The following LRP1B variants were observed in gnomAD, a reference collection of about 807,000 sequenced individuals.
LRP1B encodes LDL receptor related protein 1B.
LRP1B carries 217 observed loss-of-function variants against 556.6 expected under a neutral mutation model. The observed-to-expected ratio is 0.39, with a 90% CI of 0.35 to 0.44. The LOEUF is 0.44. LRP1B is among the 20% of genes least tolerant of loss of function. The pLI, the probability that LRP1B is intolerant of heterozygous loss-of-function variation, is 1.00. For synonymous variants in LRP1B, 2,047 were observed against 1,865.8 expected (o/e 1.10, Z -2.50); for missense variants, 5,053 against 5,620.8 (o/e 0.90, Z 3.23).
At chr2:140,303,149 T>G (rs1400623767) in intron 83 of LRP1B, among the ~76,000 whole-genome samples, 1 of 148,688 alleles carries the variant, frequency 6.7e-6, no homozygotes, top group East Asian at 1.9e-4. Flanking sequence ...TATACAATTT[T>G]TCTTCATAGA....
intron 3 of LRP1B, among the ~76,000 whole-genome samples, chr2:141,398,461 G>A (rs1429606441): frequency 6.6e-6 from 1 of 152,132 alleles, no homozygotes; most frequent in African/African-American, 2.4e-5. Flanking sequence ...CTAAAATGAT[G>A]TTATTAATAG....
At chr2:141,614,676 A>G (rs1353885213) in intron 2 of LRP1B, among the ~76,000 whole-genome samples, 1 of 152,106 alleles carries the variant, frequency 6.6e-6, no homozygotes, top group Non-Finnish European at 1.5e-5. Context: ...CTACAAATGA[A>G]GGAATGCCAA....
chr2:140,241,287 C>G (rs1032553363), intron 87 of LRP1B, among the ~76,000 whole-genome samples: 2 of 150,778 alleles, frequency 1.3e-5, no homozygotes, highest in Admixed American at 6.6e-5. Context: ...TTTTAAATAC[C>G]AGAGAACAGC....
chr2:141,231,623 C>A (rs1683474829), intron 5 of LRP1B, among the ~76,000 whole-genome samples: 1 of 149,648 alleles, frequency 6.7e-6, no homozygotes, highest in South Asian at 2.2e-4. Context: ...CACCCCTGCC[C>A]CGCCCCGCCA....
intron 7 of LRP1B, among the ~76,000 whole-genome samples, chr2:141,079,560 A>G (rs1250322696): frequency 2.6e-5 from 4 of 152,232 alleles, no homozygotes; most frequent in Non-Finnish European, 4.4e-5. Context: ...CCTGCAAGCA[A>G]TAATGCTCTG....
intron 3 of LRP1B, among the ~76,000 whole-genome samples, chr2:141,448,094 T>A (rs1229046149): frequency 6.6e-6 from 1 of 152,230 alleles, no homozygotes; most frequent in East Asian, 1.9e-4. Context: ...CTGCTGCCTT[T>A]CTTTCAGAGA....
chr2:141,137,502 G>A (rs1314308053), intron 7 of LRP1B, among the ~76,000 whole-genome samples: 1 of 151,872 alleles, frequency 6.6e-6, no homozygotes, highest in Non-Finnish European at 1.5e-5. Context: ...GAAAGAAAAG[G>A]CTACAAAATG....
intron 1 of LRP1B, among the ~76,000 whole-genome samples, chr2:142,113,490 A>C (rs965526624): frequency 1.3e-5 from 2 of 150,854 alleles, no homozygotes; most frequent in African/African-American, 4.9e-5. Context: ...AGTTGCCACA[A>C]AAAAAAAAAT....
chr2:140,556,940 C>T (rs1257274270), intron 43 of LRP1B, among the ~76,000 whole-genome samples: 1 of 151,862 alleles, frequency 6.6e-6, no homozygotes, highest in Non-Finnish European at 1.5e-5. Context: ...TTTGAATTTT[C>T]ATAAATATGT....
intron 3 of LRP1B, among the ~76,000 whole-genome samples, chr2:141,271,416 T>C (rs1518798): frequency 0.032 from 4,761 of 150,560 alleles, 282 homozygotes; most frequent in African/African-American, 0.11. Context: ...CCAAGTAGGA[T>C]AAACACAAAG....
In LRP1B at chr2:140,378,145, C is replaced by T. The variant is rs115374560; in HGVS notation, c.10638+35G>A. 2.9e-5 allele frequency: 40 copies of T among 1,385,296 alleles called. No individual in the cohort carries two copies. In the African/African-American group the frequency reaches 3.9e-4, roughly 13 times the overall value. The allele number at this position is 1,385,296 out of a possible 1,614,324, so 85.8% of individuals were successfully genotyped here. A position where few individuals can be genotyped will look rare whatever the true frequency, so the allele number is the denominator to read the frequency against. ...AATAATTACAAATGTGGTTCTAAAG[C>T]GCTGCTTTCTTTTTGATTTTACAAA... is the stretch of plus-strand genomic sequence containing the variant. On this transcript the variant is annotated intron_variant, in intron 68 of 90. Transcript: ENST00000389484.
chr2:141,939,528 T>A (rs1258534171), intron 1 of LRP1B, among the ~76,000 whole-genome samples: 1 of 152,090 alleles, frequency 6.6e-6, no homozygotes, highest in Non-Finnish European at 1.5e-5. Flanking sequence ...AATGTGTAAG[T>A]CAATTATTAA....
chr2:141,540,727 A>C (rs1685228946), intron 2 of LRP1B, among the ~76,000 whole-genome samples: 1 of 152,060 alleles, frequency 6.6e-6, no homozygotes, highest in African/African-American at 2.4e-5. Context: ...CCACATTGTT[A>C]TGATGAACTT....
At chr2:140,815,832 A>C (rs894106200) in intron 31 of LRP1B, among the ~76,000 whole-genome samples, 1 of 151,572 alleles carries the variant, frequency 6.6e-6, no homozygotes, top group Non-Finnish European at 1.5e-5. Flanking sequence ...AATTTAGTTA[A>C]GAGGGGGCTT....
chr2:141,341,470 CCTCT>C (rs907974605), intron 3 of LRP1B, among the ~76,000 whole-genome samples: 5 of 152,074 alleles, frequency 3.3e-5, no homozygotes, highest in African/African-American at 9.7e-5. Flanking sequence ...TCTTTCCCTC[CCTCT>C]CTCTATGATG....
At chr2:141,027,609 T>C (rs1698250805) in intron 11 of LRP1B, among the ~76,000 whole-genome samples, 1 of 152,128 alleles carries the variant, frequency 6.6e-6, no homozygotes, top group Non-Finnish European at 1.5e-5. Flanking sequence ...AGTCTTTGAT[T>C]AACAATATTG....
chr2:141,634,263 T>C (rs937122080), intron 2 of LRP1B, among the ~76,000 whole-genome samples: 1 of 152,002 alleles, frequency 6.6e-6, no homozygotes, highest in African/African-American at 2.4e-5. Flanking sequence ...ACTGTATTCC[T>C]GAGCAGGACT....
chr2:140,881,453 A>C (rs1264080219), intron 25 of LRP1B, among the ~76,000 whole-genome samples: 1 of 152,130 alleles, frequency 6.6e-6, no homozygotes, highest in Non-Finnish European at 1.5e-5. Context: ...TATGATGTTT[A>C]TATAAACTTT....
chr2:141,349,414 G>C (rs576699623), intron 3 of LRP1B, among the ~76,000 whole-genome samples: 1 of 151,972 alleles, frequency 6.6e-6, no homozygotes. Context: ...AAATCAATAC[G>C]AAGGACCAGT....
Sources: allele counts gnomAD v4.1 joint callset (sites outside exome capture counted in the v4.1 genomes callset), GRCh38; gene constraint gnomAD v4.1.1; transcripts MANE v1.5; gene names NCBI Gene and HGNC (gene_info 2026-07-23, HGNC 2026-07-21).